The following RBFOX1 variants were observed in gnomAD, a reference collection of about 807,000 sequenced individuals.
The protein encoded by RBFOX1 is RNA binding fox-1 homolog 1, also known as RNA binding protein fox-1 homolog 1.
In RBFOX1, 8 loss-of-function variants were observed where a neutral mutation model predicts 57.7. The observed-to-expected ratio is 0.14, with a 90% CI of 0.08 to 0.25. RBFOX1 has a LOEUF of 0.25. Among genes scored for constraint, RBFOX1 ranks in the 10% least tolerant of loss-of-function variants. The pLI is 1.00. For missense variants in RBFOX1, 611 were observed against 548.5 expected (o/e 1.11, Z -1.14); for synonymous variants, 326 against 222.4 (o/e 1.47, Z -4.15).
At chr16:7,435,536 C>G (rs1430945040) in intron 4 of RBFOX1, among the ~76,000 whole-genome samples, 1 of 152,174 alleles carries the variant, frequency 6.6e-6, no homozygotes, top group East Asian at 1.9e-4. Flanking sequence ...GTTTGTTAGG[C>G]TTCACCTCCT....
At chr16:6,939,399 GTGTA>G in intron 3 of RBFOX1, among the ~76,000 whole-genome samples, 2 of 151,664 alleles carry the variant, frequency 1.3e-5, no homozygotes, top group Admixed American at 1.3e-4. Flanking sequence ...GTGTGTGTGT[GTGTA>G]TATATATATA....
At chr16:6,550,284 C>G (rs1052711267) in intron 2 of RBFOX1, among the ~76,000 whole-genome samples, 1 of 152,084 alleles carries the variant, frequency 6.6e-6, no homozygotes, top group Non-Finnish European at 1.5e-5. Context: ...TTCAACAATT[C>G]TCTTGCCTCA....
intron 4 of RBFOX1, among the ~76,000 whole-genome samples, chr16:7,368,594 C>T (rs577742304): frequency 6.6e-5 from 10 of 151,682 alleles, no homozygotes; most frequent in Admixed American, 2.6e-4. Flanking sequence ...CTGGCTAACA[C>T]GGTGAAACCC....
At chr16:6,510,433 G>C (rs558848554) in intron 2 of RBFOX1, among the ~76,000 whole-genome samples, 1 of 152,156 alleles carries the variant, frequency 6.6e-6, no homozygotes, top group Non-Finnish European at 1.5e-5. Flanking sequence ...CCCTGACCTG[G>C]CTAAGCTCCC....
intron 3 of RBFOX1, among the ~76,000 whole-genome samples, chr16:6,993,220 G>C (rs1157388194): frequency 6.6e-6 from 1 of 152,168 alleles, no homozygotes; most frequent in Non-Finnish European, 1.5e-5. Flanking sequence ...GCTGTGCAAT[G>C]ACTTGTTGCT....
At chr16:7,054,579 T>C (rs2051448869) in intron 4 of RBFOX1, among the ~76,000 whole-genome samples, 1 of 148,320 alleles carries the variant, frequency 6.7e-6, no homozygotes, top group East Asian at 2.0e-4. Context: ...CTGAAAGGAA[T>C]TTAGAACTGG....
chr16:5,436,653 C>A (rs929773732), intron 1 of RBFOX1, among the ~76,000 whole-genome samples: 1 of 152,234 alleles, frequency 6.6e-6, no homozygotes, highest in African/African-American at 2.4e-5. Context: ...GTCTGGCCAA[C>A]ATGGTGAAAC....
At chr16:6,853,810 C>T (rs1001620786) in intron 3 of RBFOX1, among the ~76,000 whole-genome samples, 4 of 152,106 alleles carry the variant, frequency 2.6e-5, no homozygotes, top group African/African-American at 9.7e-5. Context: ...GGGGTAATTT[C>T]CTCCCCAACG....
rs1251674553 is a variant in RBFOX1, at chr16:7,488,666, G to C, written c.28-29481G>C. 3.3e-5 allele frequency among the ~76,000 whole-genome samples: 5 copies of C among 152,020 alleles called. No individual in the cohort carries two copies. The East Asian group carries it at 9.7e-4, about 29-fold the overall frequency. ...TATTTGTCTGTACGTACATCAATCTGTCCATCATCTATCCATCTATCTATA... is the reference window on the plus strand; with the variant it reads ...TATTTGTCTGTACGTACATCAATCTCTCCATCATCTATCCATCTATCTATA... On this transcript the variant is annotated intron_variant, in intron 4 of 15. Transcript: ENST00000550418.
At chr16:5,720,010 C>A (rs2051868502) in intron 3 of RBFOX1, among the ~76,000 whole-genome samples, 1 of 152,072 alleles carries the variant, frequency 6.6e-6, no homozygotes, top group African/African-American at 2.4e-5. Flanking sequence ...AGCGGCTGCA[C>A]CATCGTAGGT....
intron 4 of RBFOX1, among the ~76,000 whole-genome samples, chr16:7,103,566 A>G (rs1284475022): frequency 1.3e-5 from 2 of 152,130 alleles, no homozygotes; most frequent in East Asian, 3.8e-4. Flanking sequence ...AGATAGATTG[A>G]TAATCTACAC....
intron 5 of RBFOX1, among the ~76,000 whole-genome samples, chr16:7,567,927 A>G (rs2092295061): frequency 6.6e-6 from 1 of 151,034 alleles, no homozygotes; most frequent in South Asian, 2.1e-4. Flanking sequence ...ATGTATGGAT[A>G]CCTAAAATTA....
At chr16:6,968,696 A>C (rs1406092770) in intron 3 of RBFOX1, among the ~76,000 whole-genome samples, 2 of 152,146 alleles carry the variant, frequency 1.3e-5, no homozygotes, top group East Asian at 3.9e-4. Flanking sequence ...CATCGAGTAC[A>C]CATACTAACT....
At chr16:7,151,362 A>G (rs867048099) in intron 4 of RBFOX1, among the ~76,000 whole-genome samples, 7 of 152,138 alleles carry the variant, frequency 4.6e-5, no homozygotes, top group African/African-American at 1.7e-4. Context: ...TTGGCTCATG[A>G]AATTAGGACT....
chr16:5,920,331 C>T (rs1017889734), intron 4 of RBFOX1, among the ~76,000 whole-genome samples: 3 of 152,118 alleles, frequency 2.0e-5, no homozygotes, highest in Admixed American at 2.0e-4. Flanking sequence ...GTAGAGAGAT[C>T]CTACTTTGTT....
At chr16:6,855,994 G>A (rs542838328) in intron 3 of RBFOX1, among the ~76,000 whole-genome samples, 1 of 151,818 alleles carries the variant, frequency 6.6e-6, no homozygotes, top group East Asian at 1.9e-4. Context: ...CAGGCCTATT[G>A]ATCCTCCATC....
chr16:5,412,686 T>G (rs2067052990), intron 1 of RBFOX1, among the ~76,000 whole-genome samples: 1 of 152,202 alleles, frequency 6.6e-6, no homozygotes, highest in South Asian at 2.1e-4. Flanking sequence ...ATTTGCTGAT[T>G]TATTTCTCGT....
chr16:7,112,489 G>A (rs1379992194), intron 4 of RBFOX1, among the ~76,000 whole-genome samples: 1 of 151,670 alleles, frequency 6.6e-6, no homozygotes, highest in East Asian at 1.9e-4. Flanking sequence ...TTACAGGCAT[G>A]AGCCACCGTG....
At chr16:5,449,303 C>T (rs570001527) in intron 1 of RBFOX1, among the ~76,000 whole-genome samples, 1 of 152,218 alleles carries the variant, frequency 6.6e-6, no homozygotes, top group South Asian at 2.1e-4. Context: ...TTATCTGAGC[C>T]TCCTCAGAGA....
Sources: allele counts gnomAD v4.1 joint callset (sites outside exome capture counted in the v4.1 genomes callset), GRCh38; gene constraint gnomAD v4.1.1; transcripts MANE v1.5; gene names NCBI Gene and HGNC (gene_info 2026-07-23, HGNC 2026-07-21).